STX17: variants seen among roughly 807,000 people sequenced by gnomAD.
STX17 encodes syntaxin-17.
STX17 carries 29 observed loss-of-function variants against 35.9 expected under a neutral mutation model. The observed-to-expected ratio is 0.81, with a 90% CI of 0.60 to 1.10. The LOEUF is 1.10. STX17 is among the 50% of genes least tolerant of loss of function. The probability of loss-of-function intolerance (pLI) is 0.00; values close to 1 mark genes in which losing one functional copy is unlikely to be tolerated. For missense variants in STX17, 312 were observed against 352.3 expected (o/e 0.89, Z 0.92); for synonymous variants, 92 against 118.3 (o/e 0.78, Z 1.44).
At chr9:99,949,942 TACACAC>T (rs58226718) in intron 3 of STX17, among the ~76,000 whole-genome samples, 4 of 149,088 alleles carry the variant, frequency 2.7e-5, no homozygotes, top group South Asian at 2.1e-4. Context: ...CACACATGTA[TACACAC>T]ACACACACAC....
chr9:99,924,401 T>A (rs898315609), intron 2 of STX17, among the ~76,000 whole-genome samples: 3 of 151,788 alleles, frequency 2.0e-5, no homozygotes. Context: ...GTATATATAT[T>A]ATATATATGT....
chr9:99,931,857 T>C (rs2118387463), intron 3 of STX17, among the ~76,000 whole-genome samples: 1 of 152,338 alleles, frequency 6.6e-6, no homozygotes, highest in South Asian at 2.1e-4. Context: ...TCTCTTTTCC[T>C]TTCTTGATAG....
In STX17 at chr9:99,968,731, G is replaced by T. The variant is rs1197010935; in HGVS notation, c.*58G>T. Reference sequence around the variant, plus strand: ...GTCTATCCTGAGGACCTTTGCTGCTGTTGGACACTCCGTCACCTTTTGGAA... The same window carrying T: ...GTCTATCCTGAGGACCTTTGCTGCTTTTGGACACTCCGTCACCTTTTGGAA... On this transcript the variant is annotated 3_prime_UTR_variant, in exon 8 of 8. Coordinates refer to ENST00000259400, the MANE Select transcript of STX17 (RefSeq NM_017919.3). 5.1e-6 allele frequency: 8 copies of T among 1,570,186 alleles called. No homozygotes were observed. Among genetic ancestry groups the T allele is most frequent in the African/African-American group, 1.4e-5 (1 of 73,774 alleles).
intron 3 of STX17, among the ~76,000 whole-genome samples, chr9:99,942,337 G>A (rs998642769): frequency 6.6e-6 from 1 of 152,054 alleles, no homozygotes; most frequent in Non-Finnish European, 1.5e-5. Flanking sequence ...TTTTGCCTAT[G>A]ACCCCTTTAT....
chr9:99,917,970 A>G (rs1299895121), intron 2 of STX17, among the ~76,000 whole-genome samples: 2 of 152,212 alleles, frequency 1.3e-5, no homozygotes, highest in East Asian at 3.8e-4. Context: ...TCAAAGACCC[A>G]GGCTGTTTTT....
Position 99,970,258 on chromosome 9 carries a change from C to G in STX17, c.*1585C>G, listed in dbSNP as rs1829996375. 1 of 152,188 alleles carries G rather than the reference C, an allele frequency of 6.6e-6. No homozygotes were observed. Among genetic ancestry groups the G allele is most frequent in the Non-Finnish European group, 1.5e-5 (1 of 68,042 alleles). The allele number at this position is 152,188 out of a possible 1,614,324, so 9.4% of individuals were successfully genotyped here. A position where few individuals can be genotyped will look rare whatever the true frequency, so the allele number is the denominator to read the frequency against. ...ATGTCCCTGTCTAAAGAGACTTTCTCTTTCATACGTCTTAAATCTCATCAA... is the reference window on the plus strand; with the variant it reads ...ATGTCCCTGTCTAAAGAGACTTTCTGTTTCATACGTCTTAAATCTCATCAA... On this transcript the variant is annotated 3_prime_UTR_variant, in exon 8 of 8. Coordinates refer to ENST00000259400, the MANE Select transcript of STX17 (RefSeq NM_017919.3).
At chr9:99,923,244 T>G (rs142031136) in intron 2 of STX17, among the ~76,000 whole-genome samples, 8 of 152,264 alleles carry the variant, frequency 5.3e-5, no homozygotes, top group African/African-American at 1.4e-4. Flanking sequence ...GCGTAGTACT[T>G]GAACATTCAC....
Position 99,951,056 on chromosome 9 carries a change from A to T in STX17, c.190-4A>T. 1 of 1,592,758 alleles carries T rather than the reference A, an allele frequency of 6.3e-7. No individual in the cohort carries two copies. Among genetic ancestry groups the T allele is most frequent in the Non-Finnish European group, 8.5e-7 (1 of 1,171,852 alleles). ...GTGGCATTAATGATTTTTTTCTTTT[A>T]TAGCAACTCCGATCCAATATCCGAG... On this transcript the variant is annotated splice_region_variant and splice_polypyrimidine_tract_variant and intron_variant, in intron 3 of 7. Coordinates refer to ENST00000259400, the MANE Select transcript of STX17 (RefSeq NM_017919.3).
At chr9:99,953,493 G>A (rs527654985) in intron 4 of STX17, among the ~76,000 whole-genome samples, 16 of 152,126 alleles carry the variant, frequency 1.1e-4, no homozygotes, top group Non-Finnish European at 1.5e-4. Context: ...TGTAATTACC[G>A]TTTCATTATT....
At chr9:99,918,839 G>T (rs1045851867) in intron 2 of STX17, among the ~76,000 whole-genome samples, 1 of 152,166 alleles carries the variant, frequency 6.6e-6, no homozygotes, top group Non-Finnish European at 1.5e-5. Flanking sequence ...TCTCCTACCT[G>T]TTGGGGTGTG....
In STX17 at chr9:99,919,606, C is replaced by A. The variant is rs559912119; in HGVS notation, c.123+4244C>A. On this transcript the variant is annotated intron_variant, in intron 2 of 7. Coordinates refer to ENST00000259400, the MANE Select transcript of STX17 (RefSeq NM_017919.3). Reference sequence around the variant, plus strand: ...TTGTGAATTTATACTTTCTAAAGTTCTTTGTTGTCATTTAGTGGGATTTTG... The same window carrying A: ...TTGTGAATTTATACTTTCTAAAGTTATTTGTTGTCATTTAGTGGGATTTTG... Among the ~76,000 whole-genome samples the A allele has an allele frequency of 4.6e-5, 7 of 152,022 alleles. No individual in the cohort carries two copies. The East Asian group carries it at 1.4e-3, about 29-fold the overall frequency.
chr9:99,961,705 G>A (rs146946693), intron 6 of STX17, among the ~76,000 whole-genome samples: 4 of 151,874 alleles, frequency 2.6e-5, no homozygotes, highest in Admixed American at 6.6e-5. Flanking sequence ...TTTGAGTTAC[G>A]GTTTCCCTGA....
At chr9:99,946,037 C>T (rs1377915412) in intron 3 of STX17, among the ~76,000 whole-genome samples, 3 of 152,212 alleles carry the variant, frequency 2.0e-5, no homozygotes, top group East Asian at 1.9e-4. Context: ...GAGCCAAAAT[C>T]GTGCCACTGC....
chr9:99,935,936 G>T (rs968653992), intron 3 of STX17, among the ~76,000 whole-genome samples: 27 of 152,184 alleles, frequency 1.8e-4, no homozygotes, highest in Admixed American at 1.8e-3. Flanking sequence ...TACAGGAGAT[G>T]AAGTCAAAGA....
At chr9:99,917,840 G>C (rs1453496277) in intron 2 of STX17, among the ~76,000 whole-genome samples, 1 of 152,210 alleles carries the variant, frequency 6.6e-6, no homozygotes, top group African/African-American at 2.4e-5. Context: ...TAAGGTACAA[G>C]AGGCAGAAAA....
Position 99,973,705 on chromosome 9 carries a change from G to A in STX17, c.*5032G>A, listed in dbSNP as rs1050529072. On this transcript the variant is annotated 3_prime_UTR_variant, in exon 8 of 8. Coordinates refer to ENST00000259400, the MANE Select transcript of STX17 (RefSeq NM_017919.3). Reference sequence around the variant, plus strand: ...GCACTTGATCTTCCCCCAACTTTAAGTGACTCAGTTCCTTATATCACTGCC... The same window carrying A: ...GCACTTGATCTTCCCCCAACTTTAAATGACTCAGTTCCTTATATCACTGCC... Among the ~76,000 whole-genome samples the A allele has an allele frequency of 2.2e-4, 33 of 152,094 alleles. No individual in the cohort carries two copies. Among genetic ancestry groups the A allele is most frequent in the Non-Finnish European group, 3.1e-4 (21 of 68,020 alleles).
Position 99,968,503 on chromosome 9 carries a change from A to G in STX17, c.739A>G (p.Ile247Val), listed in dbSNP as rs775282666. The G allele has an allele frequency of 1.2e-5, 19 of 1,611,860 alleles. No homozygotes were observed. The highest frequency in any genetic ancestry group is 1.7e-4 in the Middle Eastern group (1 of 6,018). ...ALIGGMVGGP[I>V]GLLAGFKVAG... ...CATCGGGGGAATGGTAGGGGGTCCT[A>G]TTGGCCTCCTTGCAGGCTTCAAAGT... The change falls in exon 8 of 8, where the codon ATT (isoleucine) becomes GTT (valine). Residue 247 changes from isoleucine (I) to valine (V), a missense_variant. Transcript: ENST00000259400.
chr9:99,918,320 G>A (rs770066506), intron 2 of STX17, among the ~76,000 whole-genome samples: 32 of 152,012 alleles, frequency 2.1e-4, no homozygotes, highest in African/African-American at 6.5e-4. Flanking sequence ...TTGTAGAGAC[G>A]GGGTCTCACT....
At chr9:99,915,027 T>C (rs1258392088) in intron 1 of STX17, 151 bp from the exon 2 acceptor site, 2 of 327,128 alleles carry the variant, frequency 6.1e-6, no homozygotes, top group African/African-American at 4.3e-5. Flanking sequence ...TAAAAATCAG[T>C]GGTTTCATAA....
Sources: gnomAD v4.1 joint callset for allele counts (sites outside exome capture counted in the v4.1 genomes callset) on GRCh38, gnomAD v4.1.1 for gene constraint, MANE v1.5 for transcripts, NCBI Gene and HGNC (gene_info 2026-07-23, HGNC 2026-07-21) for gene names.